The following ABCA2 variants were observed in gnomAD, a reference collection of about 807,000 sequenced individuals.
The protein encoded by ABCA2 is ATP binding cassette subfamily A member 2, also known as ATP-binding cassette sub-family A member 2.
ABCA2 carries 84 observed loss-of-function variants against 262.8 expected under a neutral mutation model. That is an observed-to-expected ratio of 0.32 (90% CI 0.27 to 0.38). The LOEUF (loss-of-function observed/expected upper bound fraction) is 0.38. Ranked by LOEUF, ABCA2 falls within the 10% of genes least tolerant of loss-of-function variation. The pLI, the probability that ABCA2 is intolerant of heterozygous loss-of-function variation, is 1.00. For missense variants in ABCA2, 2,662 were observed against 3,405.9 expected (o/e 0.78, Z 5.44); for synonymous variants, 1,696 against 1,502.9 (o/e 1.13, Z -2.97).
Position 137,012,862 on chromosome 9 carries a change from G to T in ABCA2, c.4931C>A (p.Ser1644Tyr). Residue 1644 changes from serine (S) to tyrosine (Y), a missense_variant, in exon 31 of 49, where the codon TCT becomes TAT. Ser to Tyr is a moderately radical substitution (Grantham distance 144). This residue lies in a region of ABCA2 where 192 missense variants were observed against 207.2 expected (regional missense o/e 0.93). Transcript: ENST00000341511. ...LVREPVRCTC[S>Y]AQGTGFSCPS... ...GCAGGAGAAGCCGGTGCCCTGCGCA[G>T]AGCAGGTGCAGCGGACGGGCTCCCG... is the stretch of plus-strand genomic sequence containing the variant. 6.3e-7 allele frequency: 1 copy of T among 1,598,174 alleles called. No individual in the cohort carries two copies.
In ABCA2 at chr9:137,023,042, T is replaced by C; in HGVS notation, c.174A>G (p.Thr58=). ...TISVKEVSFY[T]AAPLTSAGIL... is the part of the protein sequence containing the mutation. ...TGCCGGCAGACGTCAGGGGCGCCGC[T>C]GTGTAGAAGGCTGGCAGACCCACGG... is the stretch of plus-strand genomic sequence containing the variant. The change falls in exon 4 of 49, where the codon ACA becomes ACG. Residue 58 remains threonine, a synonymous_variant. Coordinates refer to ENST00000341511, the MANE Select transcript of ABCA2 (RefSeq NM_001606.5). The C allele has an allele frequency of 6.3e-7, 1 of 1,583,342 alleles. No individual in the cohort carries two copies. The highest frequency in any genetic ancestry group is 8.6e-7 in the Non-Finnish European group (1 of 1,166,576).
rs777809831 is a variant in ABCA2 at position 137,017,909 on chromosome 9, G to A, written c.2097-8C>T. ...TCAATGACAAACAGGAAGCTGCGGGGAGGCCGCGCTCAGGCGCCACTCAGC... is the reference window on the plus strand; with the variant it reads ...TCAATGACAAACAGGAAGCTGCGGGAAGGCCGCGCTCAGGCGCCACTCAGC... On this transcript the variant is annotated splice_polypyrimidine_tract_variant and splice_region_variant and intron_variant, in intron 15 of 48. Transcript: ENST00000341511. 6.2e-7 allele frequency: 1 copy of A among 1,612,430 alleles called. No individual in the cohort carries two copies. The highest frequency in any genetic ancestry group is 1.1e-5 in the South Asian group (1 of 91,074).
intron 13 of ABCA2, 49 bp downstream of exon 13, chr9:137,018,670 G>A: frequency 6.6e-6 from 9 of 1,362,274 alleles, no homozygotes; most frequent in Non-Finnish European, 8.8e-6. Context: ...CTGGGCTGGG[G>A]AGGAAGAGGT....
chr9:137,008,556 C>T lies in ABCA2; in HGVS notation c.7135G>A (p.Ala2379Thr), dbSNP rs747556577. 52 of 1,606,612 alleles carry T rather than the reference C, an allele frequency of 3.2e-5. No individual in the cohort carries two copies. Among genetic ancestry groups the T allele is most frequent in the Non-Finnish European group, 2.1e-5 (25 of 1,177,380 alleles). The change falls in exon 48 of 49, where the codon GCA becomes ACA. Residue 2379 changes from alanine (A) to threonine (T), a missense_variant. Ala to Thr is a moderately conservative substitution (Grantham distance 58, BLOSUM62 0). Transcript: ENST00000341511. ...LEQQETEPPS[A>T]LQSPLGCLLS... is the part of the protein sequence containing the mutation. ...AAGCAGCCGAGAGGGGACTGCAGTG[C>T]GGATGGCGGCTCCGTCTCCTGCTGC...
Position 137,008,420 on chromosome 9 carries a change from T to A in ABCA2, c.7271A>T (p.Glu2424Val), listed in dbSNP as rs1403470185. The A allele has an allele frequency of 3.2e-6, 5 of 1,550,278 alleles. No homozygotes were observed. In the South Asian group the frequency reaches 5.9e-5, roughly 18 times the overall value. Residue 2424 changes from glutamate (E) to valine (V), a missense_variant, in exon 48 of 49, where the codon GAG becomes GTG. Physicochemically the swap from Glu to Val is moderately radical, Grantham distance 121. This residue lies in a region of ABCA2 where 212 missense variants were observed against 214.4 expected (regional missense o/e 0.99). Transcript: ENST00000341511. Reference sequence around the variant, plus strand: ...CCATGAGAGCAGCCTGCTCACCCGCTCCTCCTCGAAGCTGATGAGGCCCTC... The same window carrying A: ...CCATGAGAGCAGCCTGCTCACCCGCACCTCCTCGAAGCTGATGAGGCCCTC... ...EDEGLISFEE[E>V]RAQLSFNTDT...
rs942832196 is a variant in ABCA2 at position 137,016,435 on chromosome 9, A to G, written c.2960T>C (p.Leu987Pro). ...TTTGTCCACGCAGACAACCAGAGGCAGGTGGGTGGGCTCCTCCTCCATGCC... is the reference window on the plus strand; with the variant it reads ...TTTGTCCACGCAGACAACCAGAGGCGGGTGGGTGGGCTCCTCCTCCATGCC... ...TRGMEEEPTH[L>P]PLVVCVDKLT... Residue 987 changes from leucine to proline, a missense_variant, in exon 21 of 49, where the codon CTG becomes CCG. Leu to Pro is a moderately conservative substitution (Grantham distance 98). Coordinates refer to ENST00000341511, the MANE Select transcript of ABCA2 (RefSeq NM_001606.5). 1 of 1,612,696 alleles carries G rather than the reference A, an allele frequency of 6.2e-7. No homozygotes were observed. Among genetic ancestry groups the G allele is most frequent in the Admixed American group, 1.7e-5 (1 of 60,000 alleles).
intron 2 of ABCA2, 119 bp downstream of exon 2, chr9:137,024,024 G>A: frequency 1.3e-6 from 2 of 1,516,390 alleles, no homozygotes; most frequent in Non-Finnish European, 1.8e-6. Flanking sequence ...CAGGGGAGCA[G>A]GCACCGCACC....
intron 1 of ABCA2, among the ~76,000 whole-genome samples, chr9:137,024,620 C>T (rs1831588795): frequency 6.6e-6 from 1 of 152,204 alleles, no homozygotes; most frequent in Admixed American, 6.5e-5. Flanking sequence ...CCACTAGCCC[C>T]GCCTACACTT....
Position 137,024,247 on chromosome 9 carries a change from T to C in ABCA2, c.67-11A>G. 6.2e-7 allele frequency: 1 copy of C among 1,602,442 alleles called. No individual in the cohort carries two copies. Among genetic ancestry groups the C allele is most frequent in the Non-Finnish European group, 8.5e-7 (1 of 1,174,280 alleles). ...GAAGGCCAGGACCCACTGGAAAGGG[T>C]GGGCCCAGTGAGGGATAGGACAGAC... On this transcript the variant is annotated splice_polypyrimidine_tract_variant and intron_variant, in intron 1 of 48. Transcript: ENST00000341511.
At position 137,012,124 on chromosome 9, in the gene ABCA2, C is replaced by T. The variant is rs987447708; in HGVS notation, c.5338G>A (p.Ala1780Thr). The change falls in exon 34 of 49, where the codon GCC becomes ACC. Residue 1780 changes from alanine (A) to threonine (T), a missense_variant. Physicochemically the swap from Ala to Thr is moderately conservative, Grantham distance 58 (BLOSUM62 0). This residue lies in a region of ABCA2 where 602 missense variants were observed against 897.4 expected (regional missense o/e 0.67). Coordinates refer to ENST00000341511, the MANE Select transcript of ABCA2 (RefSeq NM_001606.5). ...VTNHPMNKTS[A>T]SLSLDYLLQG... ...TACAGGTAATCCAGGGAGAGGCTGG[C>T]GCTGGTCTTATTCATGGGGTGGTTG... 8 of 1,612,474 alleles carry T rather than the reference C, an allele frequency of 5.0e-6. No homozygotes were observed. The highest frequency in any genetic ancestry group is 6.8e-6 in the Non-Finnish European group (8 of 1,179,870).
Position 137,011,682 on chromosome 9 carries a change from G to A in ABCA2, c.5603C>T (p.Thr1868Met), listed in dbSNP as rs367954823. Residue 1868 changes from threonine (T) to methionine (M), a missense_variant, in exon 36 of 49, where the codon ACG becomes ATG. Physicochemically the swap from Thr to Met is moderately conservative, Grantham distance 81. Coordinates refer to ENST00000341511, the MANE Select transcript of ABCA2 (RefSeq NM_001606.5). This position sits in a 1 kb window ranked among gnomAD's most constrained non-coding sequence, Gnocchi z 8.8. ...ILFVFDLPAY[T>M]SPTNFPAVLS... ...GACGGCAGGGAAGTTGGTGGGCGAC[G>A]TGTAGGCCGGCAGGTCGAACACAAA... The A allele has an allele frequency of 2.8e-5, 43 of 1,555,366 alleles. No homozygotes were observed. Among genetic ancestry groups the A allele is most frequent in the South Asian group, 1.9e-4 (16 of 84,398 alleles).
At chr9:137,023,934 AGGCGTT>A in intron 2 of ABCA2, 94 bp from the exon 3 acceptor site, 1 of 1,301,566 alleles carries the variant, frequency 7.7e-7, no homozygotes, top group South Asian at 1.3e-5. Context: ...CACCAGGAAG[AGGCGTT>A]GGCATCATCA....
At position 137,008,818 on chromosome 9, in the gene ABCA2, C is replaced by T. The variant is rs201682816; in HGVS notation, c.6981G>A (p.Ser2327=). ...VQYQLKSEHI[S]LAQVFSKMEQ... is the part of the protein sequence containing the mutation. The stretch of plus-strand genomic sequence containing the variant: ...CCATCTTGCTGAACACCTGGGCCAG[C>T]GAGATGTGCTCCGACTTGAGCTGGT... The change falls in exon 47 of 49, where the codon TCG becomes TCA. Residue 2327 remains serine (S), a synonymous_variant. Transcript: ENST00000341511. The T allele has an allele frequency of 3.1e-6, 5 of 1,605,022 alleles. No individual in the cohort carries two copies. Among genetic ancestry groups the T allele is most frequent in the East Asian group, 2.2e-5 (1 of 44,832 alleles).
At chr9:137,022,657 C>G in intron 5 of ABCA2, 45 bp downstream of exon 5, 1 of 1,584,138 alleles carries the variant, frequency 6.3e-7, no homozygotes, top group Non-Finnish European at 8.6e-7. Flanking sequence ...GACAGCAGAG[C>G]TTTGCCCGCA....
intron 40 of ABCA2, 88 bp downstream of exon 40, chr9:137,010,516 GCTCAGGGCCCTGCCCA>G: frequency 4.3e-6 from 6 of 1,405,082 alleles, no homozygotes; most frequent in Non-Finnish European, 5.8e-6. Flanking sequence ...CACCCCCAGA[GCTCAGGGCCCTGCCCA>G]CCCAGGCTCC....
rs752333309 is a variant in ABCA2, at chr9:137,009,903, C to T, written c.6496G>A (p.Val2166Met). 2.6e-5 allele frequency: 41 copies of T among 1,606,136 alleles called. No individual in the cohort carries two copies. The East Asian group carries it at 8.7e-4, about 34-fold the overall frequency. The part of the protein sequence containing the change: ...RGISWKDEAR[V>M]VKWALEKLEL... ...AGCTTCTCCAGAGCCCACTTCACCA[C>T]CTGGCCAGGGAACGCAGGTGTCAGT... Residue 2166 changes from valine (V) to methionine (M), a missense_variant and splice_region_variant, in exon 43 of 49, where the codon GTG (valine) becomes ATG (methionine). By Grantham distance (21) the Val-to-Met change is conservative. Transcript: ENST00000341511.
chr9:137,012,451 A>G, intron 32 of ABCA2, 34 bp downstream of exon 32: 1 of 1,609,598 alleles, frequency 6.2e-7, no homozygotes, highest in Non-Finnish European at 8.5e-7. Context: ...GCGGCGCTAC[A>G]CACAGCGGGG....
In ABCA2 at chr9:137,019,630, C is replaced by T. The variant is rs753793720; in HGVS notation, c.1426-324G>A. The T allele has an allele frequency of 3.2e-5, 9 of 285,188 alleles. No individual in the cohort carries two copies. Among genetic ancestry groups the T allele is most frequent in the East Asian group, 1.0e-4 (1 of 10,006 alleles). The allele number at this position is 285,188 out of a possible 1,614,324, so 17.7% of individuals were successfully genotyped here. A position where few individuals can be genotyped will look rare whatever the true frequency, so the allele number is the denominator to read the frequency against. ...AGAGACGGGCTTCCGCTATGTTGCTCGGGCTTGTCTCAAACTCCTGAGCTC... is the reference window on the plus strand; with the variant it reads ...AGAGACGGGCTTCCGCTATGTTGCTTGGGCTTGTCTCAAACTCCTGAGCTC... On this transcript the variant is annotated intron_variant, in intron 10 of 48. Coordinates refer to ENST00000341511, the MANE Select transcript of ABCA2 (RefSeq NM_001606.5). This position sits in a 1 kb window ranked among gnomAD's most constrained non-coding sequence, Gnocchi z 4.4.
At chr9:137,009,332 G>GGGCCCCCCC in intron 45 of ABCA2, 38 bp downstream of exon 45, 33 of 980,408 alleles carry the variant, frequency 3.4e-5, no homozygotes, top group Non-Finnish European at 4.3e-5. Flanking sequence ...CCCCCCCCGG[G>GGGCCCCCCC]CCCGCCCCAG....
Sources: allele counts gnomAD v4.1 joint callset (sites outside exome capture counted in the v4.1 genomes callset), GRCh38; gene constraint gnomAD v4.1.1; regional missense constraint gnomAD v4.1.1; non-coding constraint Gnocchi (gnomAD v3.1); transcripts MANE v1.5; gene names NCBI Gene and HGNC (gene_info 2026-07-23, HGNC 2026-07-21).